Variants in PRIMPOL observed in about 807,000 individuals in gnomAD.
PRIMPOL encodes the protein primase and DNA directed polymerase, also known as DNA-directed primase/polymerase protein.
PRIMPOL carries 54 observed loss-of-function variants against 63.6 expected under a neutral mutation model. The observed-to-expected ratio is 0.85, with a 90% CI of 0.68 to 1.07. PRIMPOL has a LOEUF of 1.07. Ranked by LOEUF, PRIMPOL falls within the 50% of genes least tolerant of loss-of-function variation. PRIMPOL has a pLI of 0.00. For synonymous variants in PRIMPOL, 197 were observed against 220.2 expected, an observed-to-expected ratio of 0.89 and a Z score of 0.93; for missense variants, 610 against 648.3, an observed-to-expected ratio of 0.94 and a Z score of 0.64.
Position 184,691,482 on chromosome 4 carries a change from T to C in PRIMPOL, c.1296-17T>C, listed in dbSNP as rs752875744. The C allele has an allele frequency of 2.0e-6, 3 of 1,501,926 alleles. No individual in the cohort carries two copies. The African/African-American group carries it at 4.2e-5, about 21-fold the overall frequency. The allele number at this position is 1,501,926 out of a possible 1,614,324, so 93.0% of individuals were successfully genotyped here. A position where few individuals can be genotyped will look rare whatever the true frequency, so the allele number is the denominator to read the frequency against. On this transcript the variant is annotated splice_polypyrimidine_tract_variant and intron_variant, in intron 11 of 13. Coordinates refer to ENST00000314970, the MANE Select transcript of PRIMPOL (RefSeq NM_152683.4). ...AGTCTTGGTATTAATACTTTTTTTT[T>C]TTTTTTAAACATAAAGGATTCTGGT...
intron 8 of PRIMPOL, among the ~76,000 whole-genome samples, chr4:184,679,185 T>A (rs1257897789): frequency 6.6e-6 from 1 of 152,232 alleles, no homozygotes; most frequent in Admixed American, 6.5e-5. Flanking sequence ...CAACAATTAA[T>A]TGTAAATAAA....
chr4:184,674,742 A>AT (rs1269571977), intron 7 of PRIMPOL, among the ~76,000 whole-genome samples: 1 of 152,230 alleles, frequency 6.6e-6, no homozygotes, highest in Non-Finnish European at 1.5e-5. Flanking sequence ...AGAAAAGAAA[A>AT]TGTTGTTAAG....
chr4:184,671,941 C>T (rs866570230), intron 6 of PRIMPOL, among the ~76,000 whole-genome samples: 52 of 151,980 alleles, frequency 3.4e-4, no homozygotes, highest in Middle Eastern at 3.4e-3. Flanking sequence ...GGGGTTTCAC[C>T]GTGTTAACCA....
chr4:184,658,326 T>C (rs896245430), intron 3 of PRIMPOL, among the ~76,000 whole-genome samples: 1 of 152,200 alleles, frequency 6.6e-6, no homozygotes, highest in Non-Finnish European at 1.5e-5. Context: ...ATTAAAATAC[T>C]GACAGATTCA....
At chr4:184,689,931 G>A (rs764671434) in intron 11 of PRIMPOL, among the ~76,000 whole-genome samples, 3 of 152,138 alleles carry the variant, frequency 2.0e-5, no homozygotes, top group Non-Finnish European at 2.9e-5. Context: ...TGCAGTGCCC[G>A]GGGCACCTTC....
At chr4:184,682,820 C>T (rs146639257) in intron 9 of PRIMPOL, among the ~76,000 whole-genome samples, 7 of 152,052 alleles carry the variant, frequency 4.6e-5, no homozygotes, top group South Asian at 4.2e-4. Context: ...GAGGCTGAGG[C>T]GGGAGGATCA....
In PRIMPOL at chr4:184,658,660, C is replaced by G. The variant is rs1309437619; in HGVS notation, c.181-680C>G. On this transcript the variant is annotated intron_variant, in intron 3 of 13. Coordinates refer to ENST00000314970, the MANE Select transcript of PRIMPOL (RefSeq NM_152683.4). ...GTGGCTCATGCCTGTAATCCCAGCA[C>G]TTTAGGAGGCTGAGGCAGGCAGATC... 2.0e-5 allele frequency among the ~76,000 whole-genome samples: 3 copies of G among 152,048 alleles called. No individual in the cohort carries two copies. The South Asian group carries it at 6.2e-4, about 32-fold the overall frequency.
chr4:184,682,435 T>A lies in PRIMPOL; in HGVS notation c.1096+99T>A, dbSNP rs1311971472. ...GCGATCTCGGCTCACTGCAGCCTCC[T>A]CCTCCCAGGCTCAAGCCATCTCCTG... On this transcript the variant is annotated intron_variant, in intron 9 of 13. Coordinates refer to ENST00000314970, the MANE Select transcript of PRIMPOL (RefSeq NM_152683.4). The A allele has an allele frequency of 1.3e-5, 8 of 624,172 alleles. No individual in the cohort carries two copies. The East Asian group carries it at 2.1e-4, about 16-fold the overall frequency. 38.7% of individuals were successfully genotyped at this position (624,172 alleles called of 1,614,324 possible).
At chr4:184,669,701 A>G (rs375663234) in intron 6 of PRIMPOL, among the ~76,000 whole-genome samples, 1 of 152,344 alleles carries the variant, frequency 6.6e-6, no homozygotes, top group East Asian at 1.9e-4. Flanking sequence ...CTTTACAGTC[A>G]GAACAACATA....
chr4:184,668,696 C>G (rs776248077), intron 6 of PRIMPOL, among the ~76,000 whole-genome samples: 14 of 152,146 alleles, frequency 9.2e-5, no homozygotes, highest in Non-Finnish European at 2.1e-4. Flanking sequence ...TAGTGTTCCT[C>G]TGGGTTGCAG....
intron 11 of PRIMPOL, among the ~76,000 whole-genome samples, chr4:184,689,423 G>A (rs561209846): frequency 1.5e-5 from 2 of 132,594 alleles, no homozygotes; most frequent in South Asian, 2.5e-4. Flanking sequence ...CTCATACCTT[G>A]TTCTCCATTG....
chr4:184,687,246 A>T (rs1180888108), intron 11 of PRIMPOL, among the ~76,000 whole-genome samples: 1 of 151,862 alleles, frequency 6.6e-6, no homozygotes, highest in African/African-American at 2.4e-5. Context: ...AATTTTTGTA[A>T]TTTTAGTAGA....
intron 7 of PRIMPOL, among the ~76,000 whole-genome samples, chr4:184,675,318 A>G (rs894653466): frequency 6.6e-6 from 1 of 152,208 alleles, no homozygotes; most frequent in African/African-American, 2.4e-5. Flanking sequence ...GTTTGGATAA[A>G]TTTTAACTTT....
chr4:184,663,292 A>G (rs1748920204), intron 5 of PRIMPOL, among the ~76,000 whole-genome samples: 1 of 152,022 alleles, frequency 6.6e-6, no homozygotes, highest in Non-Finnish European at 1.5e-5. Context: ...TGATACACCC[A>G]TCTCCGCCTC....
At chr4:184,680,811 A>G (rs927033347) in intron 8 of PRIMPOL, among the ~76,000 whole-genome samples, 2 of 151,850 alleles carry the variant, frequency 1.3e-5, no homozygotes, top group Admixed American at 1.3e-4. Flanking sequence ...ACATCTGCTC[A>G]GTGAATGTTG....
chr4:184,675,334 A>T (rs1359368236), intron 7 of PRIMPOL, among the ~76,000 whole-genome samples: 2 of 152,218 alleles, frequency 1.3e-5, no homozygotes, highest in African/African-American at 2.4e-5. Flanking sequence ...ACTTTTTATA[A>T]TAGACTTATG....
intron 1 of PRIMPOL, among the ~76,000 whole-genome samples, chr4:184,651,654 A>C (rs1744528965): frequency 6.6e-6 from 1 of 151,930 alleles, no homozygotes; most frequent in African/African-American, 2.4e-5. Context: ...TAGTCTGTGA[A>C]CTTTTTTTTT....
rs1379037583 is a variant in PRIMPOL, at chr4:184,672,453, A to G, written c.837A>G (p.Val279=). 1 of 1,603,688 alleles carries G rather than the reference A, an allele frequency of 6.2e-7. No homozygotes were observed. The highest frequency in any genetic ancestry group is 1.3e-5 in the African/African-American group (1 of 74,358). The change falls in exon 7 of 14, where the codon GTA becomes GTG. Residue 279 remains valine (V), a synonymous_variant. Coordinates refer to ENST00000314970, the MANE Select transcript of PRIMPOL (RefSeq NM_152683.4). ...KNNMGEKHLF[V]DLGVYTRNRN... ...ACATGGGAGAGAAGCATCTTTTTGT[A>G]GATCTCGGTAAGTAAGATTGACAGC... is the stretch of plus-strand genomic sequence containing the variant.
rs553819505 is a variant in PRIMPOL, at chr4:184,685,060, C to A, written c.1097-349C>A. Among the ~76,000 whole-genome samples, 24 of 152,132 alleles carry A rather than the reference C, an allele frequency of 1.6e-4. No individual in the cohort carries two copies. In the East Asian group the frequency reaches 4.4e-3, roughly 28 times the overall value. On this transcript the variant is annotated intron_variant, in intron 9 of 13. Transcript: ENST00000314970. ...TTGCCTGTGTTCACAGGAGAATGCC[C>A]GGCTGAGGTAGGCGTGCCAGGCTAG...
Sources: gnomAD v4.1 joint callset for allele counts (sites outside exome capture counted in the v4.1 genomes callset) on GRCh38, gnomAD v4.1.1 for gene constraint, MANE v1.5 for transcripts, NCBI Gene and HGNC (gene_info 2026-07-23, HGNC 2026-07-21) for gene names.